Variants in MBD5 observed in about 807,000 individuals in gnomAD.
MBD5 encodes methyl-CpG binding domain protein 5, also known as methyl-CpG-binding domain protein 5.
A neutral mutation model predicts 117.3 loss-of-function variants in MBD5; 13 were observed. The observed-to-expected ratio is 0.11, with a 90% CI of 0.07 to 0.18. MBD5 has a LOEUF of 0.18. MBD5 is among the 10% of genes least tolerant of loss of function. The pLI, the probability that MBD5 is intolerant of heterozygous loss-of-function variation, is 1.00. For synonymous variants in MBD5, 727 were observed against 766.4 expected, an observed-to-expected ratio of 0.95 and a Z score of 0.85; for missense variants, 1,879 against 2,093.8, an observed-to-expected ratio of 0.90 and a Z score of 2.00.
intron 1 of MBD5, among the ~76,000 whole-genome samples, chr2:148,038,093 C>G (rs531097863): frequency 4.0e-5 from 6 of 151,780 alleles, no homozygotes; most frequent in African/African-American, 1.5e-4. Context: ...ACTGGTATAT[C>G]TGGTACCTCG....
intron 8 of MBD5, among the ~76,000 whole-genome samples, chr2:148,473,141 C>CTA (rs993274402): frequency 6.6e-6 from 1 of 152,088 alleles, no homozygotes; most frequent in African/African-American, 2.4e-5. Flanking sequence ...CATTTGTTAA[C>CTA]TATTGATATA....
intron 1 of MBD5, among the ~76,000 whole-genome samples, chr2:148,147,616 A>G (rs771978610): frequency 2.0e-5 from 3 of 151,930 alleles, no homozygotes; most frequent in Admixed American, 1.3e-4. Context: ...GTTTGTTGTT[A>G]TTTGGTTTTG....
At chr2:148,212,652 C>G (rs1232617383) in intron 2 of MBD5, among the ~76,000 whole-genome samples, 1 of 152,060 alleles carries the variant, frequency 6.6e-6, no homozygotes, top group African/African-American at 2.4e-5. Flanking sequence ...TTTCAAAACT[C>G]TAAAAAATTC....
At chr2:148,216,945 A>T (rs1357594722) in intron 2 of MBD5, among the ~76,000 whole-genome samples, 1 of 152,198 alleles carries the variant, frequency 6.6e-6, no homozygotes, top group Non-Finnish European at 1.5e-5. Flanking sequence ...ATGAAAGCAA[A>T]ATAGGCATCT....
intron 1 of MBD5, among the ~76,000 whole-genome samples, chr2:148,152,050 T>A (rs1697689415): frequency 6.6e-6 from 1 of 151,800 alleles, no homozygotes; most frequent in African/African-American, 2.4e-5. Flanking sequence ...CAATTTTGGA[T>A]CTTTCCTGCT....
At chr2:148,188,574 G>A (rs1698729533) in intron 2 of MBD5, among the ~76,000 whole-genome samples, 1 of 151,626 alleles carries the variant, frequency 6.6e-6, no homozygotes, top group South Asian at 2.1e-4. Context: ...TAGTCTCAGA[G>A]GCTGAGGCTG....
chr2:148,217,244 T>C (rs1335473860), intron 2 of MBD5, among the ~76,000 whole-genome samples: 3 of 152,112 alleles, frequency 2.0e-5, no homozygotes, highest in Non-Finnish European at 2.9e-5. Flanking sequence ...CTATCAGCAA[T>C]GGGAGGGATC....
Position 148,469,596 on chromosome 2 carries a change from A to G in MBD5, c.1653A>G (p.Val551=), listed in dbSNP as rs765225789. Reference sequence around the variant, plus strand: ...CTGCATCTGCCGGAAGTAGTTCTGTAAAGAGTCAGCCTGGTTTGCTGGGAA... The same window carrying G: ...CTGCATCTGCCGGAAGTAGTTCTGTGAAGAGTCAGCCTGGTTTGCTGGGAA... The part of the protein sequence containing the change: ...FPTASAGSSS[V]KSQPGLLGMP... The change falls in exon 8 of 14, where the codon GTA becomes GTG. Residue 551 remains valine (V), a synonymous_variant. Coordinates refer to ENST00000642680, the MANE Select transcript of MBD5 (RefSeq NM_001378120.1). The G allele has an allele frequency of 4.4e-5, 71 of 1,613,804 alleles. No homozygotes were observed. Among genetic ancestry groups the G allele is most frequent in the Middle Eastern group, 1.6e-4 (1 of 6,082 alleles).
At chr2:148,423,618 G>A (rs1054716828) in intron 4 of MBD5, among the ~76,000 whole-genome samples, 5 of 152,018 alleles carry the variant, frequency 3.3e-5, no homozygotes, top group South Asian at 4.2e-4. Context: ...AAAGACCATC[G>A]ACACTATGAA....
In MBD5 at chr2:148,168,034, T is replaced by C. The variant is rs1355630146; in HGVS notation, c.-924-10666T>C. 2.0e-5 allele frequency among the ~76,000 whole-genome samples: 3 copies of C among 152,306 alleles called. No individual in the cohort carries two copies. In the South Asian group the frequency reaches 6.2e-4, roughly 32 times the overall value. On this transcript the variant is annotated intron_variant, in intron 1 of 13. Transcript: ENST00000642680. ...CCTGTTAAGTACTTATTGGTTTCTTTTGGCTGAATCCGAAAGGGGGCAGTA... is the reference window on the plus strand; with the variant it reads ...CCTGTTAAGTACTTATTGGTTTCTTCTGGCTGAATCCGAAAGGGGGCAGTA...
chr2:148,235,807 G>C (rs78716456), intron 3 of MBD5, among the ~76,000 whole-genome samples: 2 of 151,044 alleles, frequency 1.3e-5, no homozygotes, highest in South Asian at 4.2e-4. Context: ...GAGTGTTTTG[G>C]GGGGTGGCGG....
intron 2 of MBD5, among the ~76,000 whole-genome samples, chr2:148,199,512 T>C (rs764663750): frequency 6.6e-6 from 1 of 152,198 alleles, no homozygotes; most frequent in Non-Finnish European, 1.5e-5. Context: ...CTCATGTCTA[T>C]AATCTAACCA....
chr2:148,481,610 T>G (rs1420833968), intron 8 of MBD5: 1 of 152,166 alleles, frequency 6.6e-6, no homozygotes, highest in African/African-American at 2.4e-5. Flanking sequence ...AAACAATGGA[T>G]TTACAACAGG....
At chr2:148,508,837 A>C (rs1574505350) in intron 12 of MBD5, among the ~76,000 whole-genome samples, 1 of 152,316 alleles carries the variant, frequency 6.6e-6, no homozygotes, top group Non-Finnish European at 1.5e-5. Flanking sequence ...TAGCAAATAC[A>C]TAGAGCATCT....
At chr2:148,228,761 C>G (rs1158912431) in intron 2 of MBD5, among the ~76,000 whole-genome samples, 2 of 152,070 alleles carry the variant, frequency 1.3e-5, no homozygotes, top group Non-Finnish European at 2.9e-5. Context: ...AATTGGTAAG[C>G]TATTAATTAT....
intron 2 of MBD5, among the ~76,000 whole-genome samples, chr2:148,210,407 G>A (rs1265799325): frequency 1.3e-5 from 2 of 151,770 alleles, no homozygotes; most frequent in East Asian, 1.9e-4. Flanking sequence ...GAGATAATAG[G>A]TCTTATAAAA....
At chr2:148,098,057 G>A (rs1422598116) in intron 1 of MBD5, among the ~76,000 whole-genome samples, 1 of 152,210 alleles carries the variant, frequency 6.6e-6, no homozygotes, top group African/African-American at 2.4e-5. Context: ...GGTTTCATGT[G>A]TGATAAAGTT....
chr2:148,115,077 TC>T (rs1696600047), intron 1 of MBD5, among the ~76,000 whole-genome samples: 1 of 152,164 alleles, frequency 6.6e-6, no homozygotes, highest in Non-Finnish European at 1.5e-5. Flanking sequence ...GGGATCATAC[TC>T]TAATCGTTCT....
chr2:148,320,145 C>T (rs1348072796), intron 3 of MBD5, among the ~76,000 whole-genome samples: 1 of 152,008 alleles, frequency 6.6e-6, no homozygotes, highest in African/African-American at 2.4e-5. Flanking sequence ...ATTCTATTTG[C>T]TAGTTTTTTG....
Sources: allele counts gnomAD v4.1 joint callset (sites outside exome capture counted in the v4.1 genomes callset), GRCh38; gene constraint gnomAD v4.1.1; transcripts MANE v1.5; gene names NCBI Gene and HGNC (gene_info 2026-07-23, HGNC 2026-07-21).